CLSTN2: variants seen among roughly 807,000 people sequenced by gnomAD.
CLSTN2 encodes calsyntenin 2.
In CLSTN2, 48 loss-of-function variants were observed where a neutral mutation model predicts 101.2. The observed-to-expected ratio is 0.47, with a 90% CI of 0.38 to 0.60. The LOEUF (loss-of-function observed/expected upper bound fraction) is 0.60, where lower values mean the gene tolerates loss of function less well. Among genes scored for constraint, CLSTN2 ranks in the 20% least tolerant of loss-of-function variants. The pLI, the probability that CLSTN2 is intolerant of heterozygous loss-of-function variation, is 0.00. For missense variants in CLSTN2, 1,160 were observed against 1,238.2 expected (o/e 0.94, Z 0.95); for synonymous variants, 481 against 463.6 (o/e 1.04, Z -0.48).
At chr3:139,992,399 G>C (rs1936130051) in intron 1 of CLSTN2, among the ~76,000 whole-genome samples, 1 of 152,138 alleles carries the variant, frequency 6.6e-6, no homozygotes, top group Admixed American at 6.5e-5. Flanking sequence ...GACATGGTAG[G>C]AGGAGGGAGT....
chr3:140,211,420 A>ACACG (rs1319654512), intron 2 of CLSTN2, among the ~76,000 whole-genome samples: 1 of 148,858 alleles, frequency 6.7e-6, no homozygotes, highest in Non-Finnish European at 1.5e-5. Context: ...ACACACACAC[A>ACACG]CACACAGTAT....
chr3:140,382,688 A>G (rs2087999585), intron 2 of CLSTN2, among the ~76,000 whole-genome samples: 1 of 152,198 alleles, frequency 6.6e-6, no homozygotes, highest in Non-Finnish European at 1.5e-5. Flanking sequence ...CTTTTCCCAC[A>G]GCTCTGGAGG....
intron 2 of CLSTN2, among the ~76,000 whole-genome samples, chr3:140,385,504 G>T (rs1340262476): frequency 6.6e-6 from 1 of 151,732 alleles, no homozygotes; most frequent in Non-Finnish European, 1.5e-5. Flanking sequence ...AAGTAGCTGG[G>T]ACTACAGGTG....
At chr3:140,085,635 G>A (rs1416671120) in intron 1 of CLSTN2, among the ~76,000 whole-genome samples, 4 of 151,984 alleles carry the variant, frequency 2.6e-5, no homozygotes, top group Non-Finnish European at 4.4e-5. Context: ...GTGAGACTCC[G>A]GTGTCATTTT....
chr3:140,159,532 T>C (rs1018750403), intron 1 of CLSTN2, among the ~76,000 whole-genome samples: 3 of 152,118 alleles, frequency 2.0e-5, no homozygotes, highest in Admixed American at 2.0e-4. Context: ...CTGGTAAGGC[T>C]GTGGTGAAAG....
At chr3:140,391,374 G>A (rs1286464548) in intron 2 of CLSTN2, among the ~76,000 whole-genome samples, 1 of 134,122 alleles carries the variant, frequency 7.5e-6, no homozygotes, top group East Asian at 2.6e-4. Context: ...TGCGTGGGGG[G>A]GTGGGCGGGA....
intron 2 of CLSTN2, among the ~76,000 whole-genome samples, chr3:140,197,515 T>G (rs908434782): frequency 6.6e-6 from 1 of 152,216 alleles, no homozygotes; most frequent in African/African-American, 2.4e-5. Flanking sequence ...CTTGCTGAAA[T>G]CACGCTGTCA....
At chr3:140,464,737 A>T (rs1406411838) in intron 7 of CLSTN2, among the ~76,000 whole-genome samples, 5 of 152,218 alleles carry the variant, frequency 3.3e-5, no homozygotes. Flanking sequence ...AACAGAAGCC[A>T]CAGAAAAGTC....
At chr3:140,547,941 C>T (rs940161496) in intron 10 of CLSTN2, among the ~76,000 whole-genome samples, 2 of 152,230 alleles carry the variant, frequency 1.3e-5, no homozygotes, top group African/African-American at 4.8e-5. Context: ...GCCATTTCCC[C>T]AGAGAATGTG....
intron 2 of CLSTN2, among the ~76,000 whole-genome samples, chr3:140,313,967 A>G (rs1292527793): frequency 2.0e-5 from 3 of 152,174 alleles, no homozygotes; most frequent in African/African-American, 4.8e-5. Flanking sequence ...TGGTAGCCAC[A>G]AGGCCAAAGG....
At chr3:139,936,793 A>C (rs1935030362) in intron 1 of CLSTN2, among the ~76,000 whole-genome samples, 1 of 152,202 alleles carries the variant, frequency 6.6e-6, no homozygotes, top group Admixed American at 6.5e-5. Flanking sequence ...GTTTATCTGT[A>C]ATTTTTAAAT....
chr3:140,528,920 T>C (rs1184167911), intron 8 of CLSTN2, among the ~76,000 whole-genome samples: 1 of 152,248 alleles, frequency 6.6e-6, no homozygotes, highest in African/African-American at 2.4e-5. Flanking sequence ...ACCTATCTCA[T>C]AACTTCTGTA....
chr3:140,065,966 T>A (rs1351356880), intron 1 of CLSTN2, among the ~76,000 whole-genome samples: 1 of 152,240 alleles, frequency 6.6e-6, no homozygotes, highest in African/African-American at 2.4e-5. Flanking sequence ...CCACCCATTT[T>A]GCATTCACTA....
chr3:140,524,808 GAAAACATGGAAATTAAACAA>G (rs1412181270), intron 8 of CLSTN2, among the ~76,000 whole-genome samples: 1 of 152,154 alleles, frequency 6.6e-6, no homozygotes, highest in African/African-American at 2.4e-5. Context: ...AAAACTGCAT[GAAAACATGGAAATTAAACAA>G]CTTTCTCCTG....
At chr3:140,453,028 A>G (rs1406512606) in intron 6 of CLSTN2, among the ~76,000 whole-genome samples, 1 of 152,232 alleles carries the variant, frequency 6.6e-6, no homozygotes, top group African/African-American at 2.4e-5. Flanking sequence ...GCCCTCAGTG[A>G]GACCTCTTGG....
intron 1 of CLSTN2, among the ~76,000 whole-genome samples, chr3:140,104,690 A>G (rs1210639262): frequency 6.6e-6 from 1 of 152,242 alleles, no homozygotes; most frequent in Admixed American, 6.5e-5. Context: ...ATTAAAAGGC[A>G]AGATTAGATA....
At chr3:140,325,560 T>A (rs908273042) in intron 2 of CLSTN2, among the ~76,000 whole-genome samples, 3 of 152,206 alleles carry the variant, frequency 2.0e-5, no homozygotes, top group African/African-American at 7.2e-5. Flanking sequence ...TAATTAGGAA[T>A]AAATAGTAAC....
intron 4 of CLSTN2, among the ~76,000 whole-genome samples, chr3:140,415,322 C>A (rs1252879854): frequency 2.0e-5 from 3 of 151,674 alleles, no homozygotes; most frequent in Non-Finnish European, 4.4e-5. Context: ...GCAACAAAAG[C>A]AAAATGAAAT....
At chr3:140,494,464 T>C (rs1165118905) in intron 8 of CLSTN2, among the ~76,000 whole-genome samples, 4 of 152,228 alleles carry the variant, frequency 2.6e-5, no homozygotes, top group Non-Finnish European at 4.4e-5. Flanking sequence ...ATTTTGACCT[T>C]CAACTTTTAA....
Sources: allele counts gnomAD v4.1 joint callset (sites outside exome capture counted in the v4.1 genomes callset), GRCh38; gene constraint gnomAD v4.1.1; transcripts MANE v1.5; gene names NCBI Gene and HGNC (gene_info 2026-07-23, HGNC 2026-07-21).